Variants in PPIH observed in about 807,000 individuals in gnomAD.
The protein encoded by PPIH is peptidylprolyl isomerase H, also known as peptidyl-prolyl cis-trans isomerase H.
In PPIH, 16 loss-of-function variants were observed where a neutral mutation model predicts 27.6. The ratio of observed to expected loss-of-function variants is 0.58; its 90% CI spans 0.39 to 0.88. The LOEUF (loss-of-function observed/expected upper bound fraction) is 0.88, where lower values mean the gene tolerates loss of function less well. PPIH is among the 40% of genes least tolerant of loss of function. The pLI, the probability that PPIH is intolerant of heterozygous loss-of-function variation, is 0.00. For missense variants in PPIH, 155 were observed against 224.1 expected, an observed-to-expected ratio of 0.69 and a Z score of 1.97; for synonymous variants, 63 against 76.1, an observed-to-expected ratio of 0.83 and a Z score of 0.90.
downstream of PPIH, among the ~76,000 whole-genome samples, chr1:42,678,278 C>T (rs1263523812): frequency 6.6e-6 from 1 of 152,216 alleles, no homozygotes; most frequent in Non-Finnish European, 1.5e-5. Flanking sequence ...ATGCCAGTCT[C>T]TGTCCTAGGC....
Position 42,667,354 on chromosome 1 carries a change from G to A in PPIH, c.469G>A (p.Val157Ile). ...GLLVMRKIEN[V>I]PTGPNNKPKL... is the part of the protein sequence containing the mutation. ...TCCATTGTGCTTTTTTTCCTAGAAT[G>A]TTCCCACAGGCCCCAACAATAAGCC... Residue 157 changes from valine (V) to isoleucine (I), a missense_variant, in exon 9 of 10, where the codon GTT (valine) becomes ATT (isoleucine). Transcript: ENST00000304979. The A allele has an allele frequency of 6.2e-7, 1 of 1,603,298 alleles. No individual in the cohort carries two copies. Among genetic ancestry groups the A allele is most frequent in the Non-Finnish European group, 8.5e-7 (1 of 1,170,278 alleles).
At chr1:42,673,817 T>G (rs554328737) in intron 9 of PPIH, among the ~76,000 whole-genome samples, 5 of 152,384 alleles carry the variant, frequency 3.3e-5, no homozygotes, top group African/African-American at 1.2e-4. Flanking sequence ...GAGGCAATAT[T>G]GAAGTTCAAA....
chr1:42,667,780 C>G (rs1463197245), intron 9 of PPIH, among the ~76,000 whole-genome samples: 2 of 152,186 alleles, frequency 1.3e-5, no homozygotes, highest in East Asian at 3.8e-4. Context: ...AGTAGTCCCC[C>G]TAGAAAGACC....
chr1:42,669,821 A>G (rs958911027), intron 9 of PPIH, among the ~76,000 whole-genome samples: 6 of 152,048 alleles, frequency 3.9e-5, no homozygotes, highest in African/African-American at 1.4e-4. Context: ...ATTTCTTTTT[A>G]TATGGTGGAG....
Position 42,659,556 on chromosome 1 carries a change from A to G in PPIH, c.190A>G (p.Thr64Ala), listed in dbSNP as rs774580351. The G allele has an allele frequency of 6.2e-7, 1 of 1,613,828 alleles. No homozygotes were observed. Among genetic ancestry groups the G allele is most frequent in the Admixed American group, 1.7e-5 (1 of 60,016 alleles). ...GGTTCCAATAGGATACAAAGGAAGC[A>G]CCTTCCACAGGTAAGGCTCTTGGCA... is the stretch of plus-strand genomic sequence containing the variant. The part of the protein sequence containing the change: ...DGVPIGYKGS[T>A]FHRVIKDFMI... The change falls in exon 4 of 10, where the codon ACC becomes GCC. Residue 64 changes from threonine to alanine, a missense_variant. By Grantham distance (58) the Thr-to-Ala change is moderately conservative. Around this residue, in one of 2 missense-constraint regions of PPIH, gnomAD observed 96 missense variants for 175.3 expected, o/e 0.55. Coordinates refer to ENST00000304979, the MANE Select transcript of PPIH (RefSeq NM_006347.4).
chr1:42,671,775 T>C (rs1218009935), intron 9 of PPIH, among the ~76,000 whole-genome samples: 1 of 152,100 alleles, frequency 6.6e-6, no homozygotes, highest in Non-Finnish European at 1.5e-5. Context: ...TTCTGAATAA[T>C]GTGATTTAAG....
chr1:42,662,128 T>A (rs550489472), intron 5 of PPIH, among the ~76,000 whole-genome samples: 2 of 152,194 alleles, frequency 1.3e-5, no homozygotes, highest in African/African-American at 4.8e-5. Flanking sequence ...TCCTTTTTTT[T>A]CCCCTAGGCT....
intron 5 of PPIH, among the ~76,000 whole-genome samples, chr1:42,661,921 G>T (rs1368744665): frequency 2.6e-5 from 4 of 152,170 alleles, no homozygotes; most frequent in Non-Finnish European, 5.9e-5. Flanking sequence ...GGCAGTGACA[G>T]TGACAATTGG....
At chr1:42,664,494 C>T (rs1649221547) in intron 5 of PPIH, among the ~76,000 whole-genome samples, 3 of 152,140 alleles carry the variant, frequency 2.0e-5, no homozygotes, top group African/African-American at 2.4e-5. Context: ...GGGTGGTAGT[C>T]ACTTAAGTGG....
At chr1:42,670,162 T>C (rs1003956923) in intron 9 of PPIH, among the ~76,000 whole-genome samples, 1 of 152,218 alleles carries the variant, frequency 6.6e-6, no homozygotes, top group African/African-American at 2.4e-5. Context: ...GAGCTACATG[T>C]GGACCTCTCT....
chr1:42,670,630 A>G (rs1649578385), intron 9 of PPIH, among the ~76,000 whole-genome samples: 1 of 151,848 alleles, frequency 6.6e-6, no homozygotes, highest in Non-Finnish European at 1.5e-5. Flanking sequence ...TGGCCATTGT[A>G]CATTCCACAG....
intron 2 of PPIH, 48 bp downstream of exon 2, chr1:42,658,956 G>T (rs750256522): frequency 6.3e-7 from 1 of 1,587,966 alleles, no homozygotes; most frequent in South Asian, 1.1e-5. Flanking sequence ...CAGAAGTCGG[G>T]CTCCAGTCAG....
intron 4 of PPIH, among the ~76,000 whole-genome samples, chr1:42,659,964 G>A (rs1648913290): frequency 6.6e-6 from 1 of 152,108 alleles, no homozygotes; most frequent in Admixed American, 6.6e-5. Flanking sequence ...TCAACACTTA[G>A]TCTCATTTCA....
At position 42,676,002 on chromosome 1, in the gene PPIH, T is replaced by C. The variant is rs149693526; in HGVS notation, c.*22-582T>C. 2.1e-3 allele frequency among the ~76,000 whole-genome samples: 325 copies of C among 152,256 alleles called. 2 individuals carry two copies. The highest frequency in any genetic ancestry group is 6.8e-3 in the African/African-American group (282 of 41,552). On this transcript the variant is annotated intron_variant, in intron 9 of 9. Transcript: ENST00000304979. ...ATTAGATAATATATAATGCATGGAG[T>C]TGTGAAGGGCAAATAAATGAGATAG...
intron 9 of PPIH, among the ~76,000 whole-genome samples, chr1:42,675,869 A>G (rs1649856260): frequency 6.6e-6 from 1 of 152,164 alleles, no homozygotes; most frequent in African/African-American, 2.4e-5. Flanking sequence ...GAGTCTGACA[A>G]AAAGGACAAA....
Position 42,659,572 on chromosome 1 carries a change from G to A in PPIH, c.200+6G>A. The A allele has an allele frequency of 6.2e-7, 1 of 1,612,398 alleles. No individual in the cohort carries two copies. The highest frequency in any genetic ancestry group is 1.3e-5 in the African/African-American group (1 of 74,908). On this transcript the variant is annotated splice_donor_region_variant and intron_variant, in intron 4 of 9. Transcript: ENST00000304979. ...AAAGGAAGCACCTTCCACAGGTAAG[G>A]CTCTTGGCAAGCCATCCTGGAGTCT...
At chr1:42,669,372 C>T (rs762279087) in intron 9 of PPIH, among the ~76,000 whole-genome samples, 9 of 152,088 alleles carry the variant, frequency 5.9e-5, no homozygotes, top group African/African-American at 9.7e-5. Flanking sequence ...CTGTTTCATG[C>T]ACAAACGTAT....
At chr1:42,674,415 T>G (rs1265117193) in intron 9 of PPIH, among the ~76,000 whole-genome samples, 1 of 151,958 alleles carries the variant, frequency 6.6e-6, no homozygotes, top group Non-Finnish European at 1.5e-5. Flanking sequence ...AAGCAAATGG[T>G]GAGAAGGTTG....
chr1:42,669,372 C>A (rs762279087), intron 9 of PPIH, among the ~76,000 whole-genome samples: 1 of 152,088 alleles, frequency 6.6e-6, no homozygotes, highest in Non-Finnish European at 1.5e-5. Context: ...CTGTTTCATG[C>A]ACAAACGTAT....
Sources: gnomAD v4.1 joint callset for allele counts (sites outside exome capture counted in the v4.1 genomes callset) on GRCh38, gnomAD v4.1.1 for gene constraint, gnomAD v4.1.1 regional missense constraint, MANE v1.5 for transcripts, NCBI Gene and HGNC (gene_info 2026-07-23, HGNC 2026-07-21) for gene names.